NFIB: variants seen among roughly 807,000 people sequenced by gnomAD.
NFIB encodes the protein nuclear factor I B, also known as nuclear factor 1 B-type.
Under a neutral mutation model 61.5 loss-of-function variants are expected in NFIB, and 11 were observed. The observed-to-expected ratio is 0.18, with a 90% CI of 0.11 to 0.30. The LOEUF (loss-of-function observed/expected upper bound fraction) is 0.30, where lower values mean the gene tolerates loss of function less well. Among genes scored for constraint, NFIB ranks in the 10% least tolerant of loss-of-function variants. NFIB has a pLI of 1.00. For synonymous variants in NFIB, 260 were observed against 216.5 expected, an observed-to-expected ratio of 1.20 and a Z score of -1.76; for missense variants, 471 against 608.9, an observed-to-expected ratio of 0.77 and a Z score of 2.38.
chr9:14,204,990 A>G, intron 2 of NFIB: 1 of 300,994 alleles, frequency 3.3e-6, no homozygotes. Context: ...CCTGTGGCTT[A>G]CATTGCCAAG....
intron 10 of NFIB, among the ~76,000 whole-genome samples, chr9:14,095,122 G>A (rs955077452): frequency 1.3e-5 from 2 of 151,994 alleles, no homozygotes; most frequent in Admixed American, 6.6e-5. Context: ...TGAAGCCTTC[G>A]ATATAGCAAC....
At chr9:14,438,246 G>A in the NFIB span, among the ~76,000 whole-genome samples, 1 of 152,276 alleles carries the variant, frequency 6.6e-6, no homozygotes, top group African/African-American at 2.4e-5. Flanking sequence ...ATAGCTGAAA[G>A]CAGAGGAAGC....
chr9:14,279,458 G>T (rs1406549198), intron 2 of NFIB, among the ~76,000 whole-genome samples: 1 of 152,102 alleles, frequency 6.6e-6, no homozygotes, highest in Non-Finnish European at 1.5e-5. Flanking sequence ...TCATCAAAAA[G>T]GGAAATTAAG....
chr9:14,276,007 T>A (rs1365594799), intron 2 of NFIB, among the ~76,000 whole-genome samples: 1 of 152,306 alleles, frequency 6.6e-6, no homozygotes, highest in Admixed American at 6.5e-5. Flanking sequence ...TATGGATAGC[T>A]TGACAAATTA....
chr9:14,317,222 T>G (rs1165121366), upstream of NFIB: 5 of 152,138 alleles, frequency 3.3e-5, no homozygotes, highest in African/African-American at 1.2e-4. Context: ...CCACCAAAAC[T>G]AGGTTGCATC....
chr9:14,132,813 C>T (rs1239117424), intron 6 of NFIB, among the ~76,000 whole-genome samples: 1 of 152,146 alleles, frequency 6.6e-6, no homozygotes, highest in East Asian at 1.9e-4. Context: ...AGATCTCCTG[C>T]CTTGGCCTTT....
At chr9:14,354,952 T>C (rs2061157938) in intron 1 of NFIB, among the ~76,000 whole-genome samples, 2 of 152,054 alleles carry the variant, frequency 1.3e-5, no homozygotes, top group African/African-American at 4.8e-5. Context: ...CAGGTCTCTC[T>C]AAATGAGAGA....
rs184996720 is a variant in NFIB, at chr9:14,274,470, G to A, written c.562+32519C>T. On this transcript the variant is annotated intron_variant, in intron 2 of 10. Transcript: ENST00000380953. ...GTAAGTAAATTTACCTCTGTGTGCT[G>A]GGCTGAGCAGCTTTTCTTTGTCGTT... 2.6e-5 allele frequency among the ~76,000 whole-genome samples: 4 copies of A among 152,212 alleles called. No homozygotes were observed. The East Asian group carries it at 5.8e-4, about 22-fold the overall frequency.
At chr9:14,247,543 T>A (rs2055071855) in intron 2 of NFIB, among the ~76,000 whole-genome samples, 1 of 152,206 alleles carries the variant, frequency 6.6e-6, no homozygotes, top group Non-Finnish European at 1.5e-5. Flanking sequence ...AGGAGGGCCA[T>A]CTGACACTGC....
intron 2 of NFIB, among the ~76,000 whole-genome samples, chr9:14,188,856 T>G (rs2131534839): frequency 6.6e-6 from 1 of 152,336 alleles, no homozygotes; most frequent in East Asian, 1.9e-4. Flanking sequence ...CAACAAGGTA[T>G]GTAGTGCAAA....
At chr9:14,172,119 G>C (rs2045631083) in intron 3 of NFIB, among the ~76,000 whole-genome samples, 1 of 152,158 alleles carries the variant, frequency 6.6e-6, no homozygotes, top group Non-Finnish European at 1.5e-5. Flanking sequence ...ACTGGTCATG[G>C]ATTTAATGAG....
chr9:14,495,271 C>A, the NFIB span, among the ~76,000 whole-genome samples: 2 of 152,148 alleles, frequency 1.3e-5, no homozygotes, highest in East Asian at 3.9e-4. Flanking sequence ...ATCTCCCACA[C>A]CCCTGGTTGT....
At chr9:14,158,498 T>C (rs2043731928) in intron 3 of NFIB, among the ~76,000 whole-genome samples, 1 of 152,246 alleles carries the variant, frequency 6.6e-6, no homozygotes, top group African/African-American at 2.4e-5. Context: ...TGCTGGATTA[T>C]CAGATCCTTT....
intron 6 of NFIB, among the ~76,000 whole-genome samples, chr9:14,143,117 T>C (rs895721445): frequency 1.3e-5 from 2 of 152,150 alleles, no homozygotes; most frequent in Non-Finnish European, 2.9e-5. Context: ...AAAATATTCA[T>C]GTCTATATTT....
the NFIB span, among the ~76,000 whole-genome samples, chr9:14,478,830 C>T: frequency 6.6e-6 from 1 of 152,092 alleles, no homozygotes; most frequent in East Asian, 1.9e-4. Context: ...GCAGGAAAAG[C>T]CCTAGAAGTG....
intron 10 of NFIB, among the ~76,000 whole-genome samples, chr9:14,092,676 G>A (rs1309419050): frequency 6.6e-6 from 1 of 152,066 alleles, no homozygotes; most frequent in Admixed American, 6.6e-5. Flanking sequence ...TTGCGAAAGA[G>A]ACTAGTGCAC....
chr9:14,319,081 C>T (rs2060605020), upstream of NFIB, among the ~76,000 whole-genome samples: 1 of 152,002 alleles, frequency 6.6e-6, no homozygotes, highest in Admixed American at 6.6e-5. Flanking sequence ...AACCTTGGAC[C>T]TTTTTCTCCT....
the NFIB span, among the ~76,000 whole-genome samples, chr9:14,460,760 C>T: frequency 5.4e-3 from 825 of 152,074 alleles, 10 homozygotes; most frequent in African/African-American, 0.018. Context: ...AGTGTCTCTC[C>T]CCTGCTTTAA....
At chr9:14,259,837 A>T (rs575813148) in intron 2 of NFIB, among the ~76,000 whole-genome samples, 1 of 152,294 alleles carries the variant, frequency 6.6e-6, no homozygotes, top group Non-Finnish European at 1.5e-5. Flanking sequence ...CCTGGGAGGC[A>T]GAGGTTGCAG....
Sources: allele counts gnomAD v4.1 joint callset (sites outside exome capture counted in the v4.1 genomes callset), GRCh38; gene constraint gnomAD v4.1.1; transcripts MANE v1.5; gene names NCBI Gene and HGNC (gene_info 2026-07-23, HGNC 2026-07-21).